Variants in DNAH11 observed in about 807,000 individuals in gnomAD.
DNAH11 encodes axonemal beta dynein heavy chain 11.
DNAH11 carries 442 observed loss-of-function variants against 526.0 expected under a neutral mutation model. That is an observed-to-expected ratio of 0.84 (90% CI 0.78 to 0.91). The LOEUF is 0.91. DNAH11 is among the 40% of genes least tolerant of loss of function. The pLI, the probability that DNAH11 is intolerant of heterozygous loss-of-function variation, is 0.00. For synonymous variants in DNAH11, 2,461 were observed against 1,935.9 expected, an observed-to-expected ratio of 1.27 and a Z score of -7.12; for missense variants, 6,989 against 5,448.7, an observed-to-expected ratio of 1.28 and a Z score of -8.90.
chr7:21,552,345 C>A (rs1444129227), intron 2 of DNAH11, among the ~76,000 whole-genome samples: 1 of 152,154 alleles, frequency 6.6e-6, no homozygotes, highest in Non-Finnish European at 1.5e-5. Flanking sequence ...ATACAGTAGC[C>A]AGTTAAACCT....
At chr7:21,579,616 G>A (rs559142200) in intron 8 of DNAH11, among the ~76,000 whole-genome samples, 132 of 152,148 alleles carry the variant, frequency 8.7e-4, no homozygotes, top group Non-Finnish European at 1.7e-3. Flanking sequence ...AATTGGGAGA[G>A]ATGGCAGAAT....
intron 62 of DNAH11, 100 bp downstream of exon 62, chr7:21,801,375 A>T: frequency 6.9e-7 from 1 of 1,459,144 alleles, no homozygotes; most frequent in Non-Finnish European, 9.3e-7. Context: ...ACATGGAATT[A>T]ACAACAAAGG....
At chr7:21,749,048 C>G (rs538971830) in intron 52 of DNAH11, among the ~76,000 whole-genome samples, 1 of 152,054 alleles carries the variant, frequency 6.6e-6, no homozygotes, top group African/African-American at 2.4e-5. Flanking sequence ...AAACCTGATG[C>G]GTATTGCTGT....
chr7:21,629,726 T>G (rs946868436), intron 25 of DNAH11, among the ~76,000 whole-genome samples: 4 of 152,174 alleles, frequency 2.6e-5, no homozygotes, highest in African/African-American at 9.6e-5. Flanking sequence ...TTATCTGATC[T>G]AAGTATAGCT....
At chr7:21,794,209 C>G (rs1158147198) in intron 61 of DNAH11, among the ~76,000 whole-genome samples, 1 of 152,130 alleles carries the variant, frequency 6.6e-6, no homozygotes, top group Non-Finnish European at 1.5e-5. Flanking sequence ...AATTATTGAT[C>G]TGAGAGCTCC....
At chr7:21,660,401 GT>G (rs575282328) in intron 30 of DNAH11, among the ~76,000 whole-genome samples, 9 of 150,760 alleles carry the variant, frequency 6.0e-5, no homozygotes, top group African/African-American at 9.7e-5. Flanking sequence ...ATTTTACTCT[GT>G]TTTTTTTCTA....
intron 25 of DNAH11, among the ~76,000 whole-genome samples, chr7:21,627,071 C>G (rs6944370): frequency 1.3e-5 from 2 of 151,916 alleles, no homozygotes; most frequent in East Asian, 3.9e-4. Context: ...TTGAGAAATG[C>G]CTATTCAAAT....
In DNAH11 at chr7:21,894,613, C is replaced by T; in HGVS notation, c.12751-10C>T. 6.2e-7 allele frequency: 1 copy of T among 1,611,540 alleles called. No individual in the cohort carries two copies. Among genetic ancestry groups the T allele is most frequent in the Non-Finnish European group, 8.5e-7 (1 of 1,178,950 alleles). Reference sequence around the variant, plus strand: ...AGAAAGGAGCTAAATCTTTGTGTTACTGATTTAAGGTTAAGAATGTCTTGG... The same window carrying T: ...AGAAAGGAGCTAAATCTTTGTGTTATTGATTTAAGGTTAAGAATGTCTTGG... On this transcript the variant is annotated splice_polypyrimidine_tract_variant and intron_variant, in intron 77 of 81. Transcript: ENST00000409508.
Position 21,658,600 on chromosome 7 carries a change from G to A in DNAH11, c.5095-198G>A, listed in dbSNP as rs117812647. ...ATGAGCATTATTCCTGGGAGAAGGCGGGTTCCTGCAGGAGAAAGATTTCAC... is the reference window on the plus strand; with the variant it reads ...ATGAGCATTATTCCTGGGAGAAGGCAGGTTCCTGCAGGAGAAAGATTTCAC... On this transcript the variant is annotated intron_variant, in intron 29 of 81. Transcript: ENST00000409508. 1.3e-3 allele frequency among the ~76,000 whole-genome samples: 193 copies of A among 152,168 alleles called. 1 individual carries two copies. The highest frequency in any genetic ancestry group is 1.5e-3 in the Non-Finnish European group (104 of 67,998).
At chr7:21,653,294 G>C (rs1226345758) in intron 28 of DNAH11, among the ~76,000 whole-genome samples, 2 of 152,140 alleles carry the variant, frequency 1.3e-5, no homozygotes, top group East Asian at 3.8e-4. Flanking sequence ...GAACAAATCT[G>C]AGGGCAACAG....
At position 21,543,449 on chromosome 7, in the gene DNAH11, G is replaced by T. The variant is rs1782664714; in HGVS notation, c.204G>T (p.Met68Ile). ...RVRFLGGRLA[M>I]MLGFTEEKWS... ...GCTTCCTCGGCGGCCGCCTGGCGAT[G>T]ATGCTGGGGTTCACGGAGGAGAAAT... The change falls in exon 1 of 82, where the codon ATG (methionine) becomes ATT (isoleucine). Residue 68 changes from methionine (M) to isoleucine (I), a missense_variant. Transcript: ENST00000409508. 1.3e-6 allele frequency: 2 copies of T among 1,569,216 alleles called. No homozygotes were observed. Among genetic ancestry groups the T allele is most frequent in the East Asian group, 2.3e-5 (1 of 42,620 alleles).
chr7:21,676,181 A>T (rs149024563), intron 30 of DNAH11, among the ~76,000 whole-genome samples: 5 of 152,344 alleles, frequency 3.3e-5, no homozygotes, highest in Non-Finnish European at 7.3e-5. Flanking sequence ...TTCAAGATAC[A>T]TGCTGTACTT....
In DNAH11 at chr7:21,802,172, A is replaced by C. The variant is rs182803560; in HGVS notation, c.10165+897A>C. Among the ~76,000 whole-genome samples the C allele has an allele frequency of 3.2e-3, 482 of 152,352 alleles. 6 individuals are homozygous for C. Among genetic ancestry groups the C allele is most frequent in the Non-Finnish European group, 1.7e-3 (114 of 68,034 alleles). ...AAATAACCAAATTTTAAAATAAGAA[A>C]AGAATTTGAATAGACATTTCTCCAT... On this transcript the variant is annotated intron_variant, in intron 62 of 81. Coordinates refer to ENST00000409508, the MANE Select transcript of DNAH11 (RefSeq NM_001277115.2).
intron 66 of DNAH11, among the ~76,000 whole-genome samples, chr7:21,843,490 T>C (rs1432781572): frequency 6.6e-6 from 1 of 150,562 alleles, no homozygotes; most frequent in Non-Finnish European, 1.5e-5. Flanking sequence ...TTGTTTTTTT[T>C]TTTTTTTTGA....
At chr7:21,609,353 C>T (rs1022212106) in intron 20 of DNAH11, among the ~76,000 whole-genome samples, 2 of 151,994 alleles carry the variant, frequency 1.3e-5, no homozygotes, top group Non-Finnish European at 2.9e-5. Flanking sequence ...GTAGCTGGGA[C>T]CACAGACAGG....
intron 54 of DNAH11, among the ~76,000 whole-genome samples, chr7:21,762,907 A>G (rs1786986109): frequency 6.6e-6 from 1 of 152,224 alleles, no homozygotes; most frequent in African/African-American, 2.4e-5. Context: ...ACAGCAAAGG[A>G]AAGGATCAAC....
At chr7:21,632,640 T>C (rs1177631278) in intron 25 of DNAH11, among the ~76,000 whole-genome samples, 9 of 152,276 alleles carry the variant, frequency 5.9e-5, no homozygotes, top group African/African-American at 2.2e-4. Flanking sequence ...TTGTTCCAGT[T>C]CCCAACAAGT....
At chr7:21,598,027 G>T (rs1358449534) in intron 14 of DNAH11, among the ~76,000 whole-genome samples, 2 of 151,960 alleles carry the variant, frequency 1.3e-5, no homozygotes, top group Non-Finnish European at 2.9e-5. Context: ...TGAGAGCTAG[G>T]GTTCTCTCAT....
At chr7:21,568,085 A>G (rs1008765611) in intron 6 of DNAH11, among the ~76,000 whole-genome samples, 6 of 152,224 alleles carry the variant, frequency 3.9e-5, no homozygotes, top group African/African-American at 1.4e-4. Flanking sequence ...ACAGTCCATA[A>G]AAACACATGC....
Sources: allele counts gnomAD v4.1 joint callset (sites outside exome capture counted in the v4.1 genomes callset), GRCh38; gene constraint gnomAD v4.1.1; transcripts MANE v1.5; gene names NCBI Gene and HGNC (gene_info 2026-07-23, HGNC 2026-07-21).